The following COA1 variants were observed in gnomAD, a reference collection of about 807,000 sequenced individuals.
COA1 encodes the protein cytochrome c oxidase assembly factor 1.
COA1 carries 13 observed loss-of-function variants against 16.0 expected under a neutral mutation model. The observed-to-expected ratio is 0.81, with a 90% CI of 0.53 to 1.29. The LOEUF (loss-of-function observed/expected upper bound fraction) is 1.29, where lower values mean the gene tolerates loss of function less well. Among genes scored for constraint, COA1 ranks in the 50% most tolerant of loss-of-function variants. The pLI is 0.00. For missense variants in COA1, 179 were observed against 177.0 expected, an observed-to-expected ratio of 1.01 and a Z score of -0.06; for synonymous variants, 65 against 65.7, an observed-to-expected ratio of 0.99 and a Z score of 0.05.
chr7:43,695,715 G>A (rs1034891655), intron 1 of COA1, among the ~76,000 whole-genome samples: 2 of 150,800 alleles, frequency 1.3e-5, no homozygotes, highest in Non-Finnish European at 2.9e-5. Flanking sequence ...GTAAAACCAA[G>A]AGTGACCAAC....
intron 1 of COA1, chr7:43,649,429 A>G (rs1173475517): frequency 6.6e-6 from 1 of 152,262 alleles, no homozygotes; most frequent in East Asian, 1.9e-4. Flanking sequence ...GAGCTAAAAT[A>G]TATTCTTACT....
intron 6 of COA1, among the ~76,000 whole-genome samples, chr7:43,611,620 G>A (rs1487836797): frequency 1.3e-5 from 2 of 152,240 alleles, no homozygotes; most frequent in Admixed American, 6.5e-5. Context: ...CTTCCCTCGG[G>A]AACATTTACA....
intron 1 of COA1, among the ~76,000 whole-genome samples, chr7:43,727,422 T>G (rs965977423): frequency 1.3e-5 from 2 of 152,160 alleles, no homozygotes; most frequent in Non-Finnish European, 2.9e-5. Flanking sequence ...TGTAGGTGAA[T>G]GTTCACAGCA....
intron 5 of COA1, 40 bp from the exon 6 acceptor site, chr7:43,639,721 G>T: frequency 6.6e-7 from 1 of 1,517,950 alleles, no homozygotes; most frequent in South Asian, 1.1e-5. Context: ...AATCTATGAA[G>T]GCTGAGGCAA....
intron 1 of COA1, among the ~76,000 whole-genome samples, chr7:43,683,210 G>A (rs931095234): frequency 6.6e-6 from 1 of 151,982 alleles, no homozygotes; most frequent in Non-Finnish European, 1.5e-5. Context: ...CCTCAAATGT[G>A]GAAAATAACT....
intron 1 of COA1, among the ~76,000 whole-genome samples, chr7:43,686,861 T>C (rs1194253058): frequency 1.3e-5 from 2 of 152,174 alleles, no homozygotes; most frequent in East Asian, 3.8e-4. Context: ...TTTAAAAAAT[T>C]GATATAGTGA....
chr7:43,675,659 T>C (rs2093482648), intron 1 of COA1, among the ~76,000 whole-genome samples: 1 of 152,150 alleles, frequency 6.6e-6, no homozygotes, highest in African/African-American at 2.4e-5. Flanking sequence ...CATAGAGGTA[T>C]ATTAATTACA....
At chr7:43,657,600 G>A (rs949099178) in intron 1 of COA1, among the ~76,000 whole-genome samples, 5 of 151,954 alleles carry the variant, frequency 3.3e-5, no homozygotes, top group African/African-American at 1.2e-4. Flanking sequence ...AAAACAGACA[G>A]GTCATTTATG....
At position 43,674,129 on chromosome 7, in the gene COA1, C is replaced by A. The variant is rs372547950; in HGVS notation, c.-38-25477G>T. 2.8e-4 allele frequency among the ~76,000 whole-genome samples: 43 copies of A among 152,302 alleles called. No individual in the cohort carries two copies. The South Asian group carries it at 8.7e-3, about 31-fold the overall frequency. ...AATCTACCTATATAACAAACCTGCA[C>A]ATGTACCCCTCAACCTAAAAGTTAA... On this transcript the variant is annotated intron_variant, in intron 1 of 5. Coordinates refer to ENST00000223336, the MANE Select transcript of COA1 (RefSeq NM_018224.4).
intron 1 of COA1, among the ~76,000 whole-genome samples, chr7:43,685,719 G>A (rs1263310710): frequency 2.6e-5 from 4 of 152,216 alleles, no homozygotes; most frequent in South Asian, 4.1e-4. Context: ...CCAGACAAAA[G>A]CAAGGTACAA....
intron 1 of COA1, among the ~76,000 whole-genome samples, chr7:43,651,601 C>T (rs2153110414): frequency 6.7e-6 from 1 of 150,112 alleles, no homozygotes; most frequent in Non-Finnish European, 1.5e-5. Flanking sequence ...GAGTTCAAGC[C>T]ATAGACAGGA....
At position 43,643,289 on chromosome 7, in the gene COA1, C is replaced by G. The variant is rs182474453; in HGVS notation, c.264+1962G>C. On this transcript the variant is annotated intron_variant, in intron 4 of 5. Transcript: ENST00000223336. ...TCATGGATGCTGCATCAACCAGCCC[C>G]AGCAAAGGCGCCTTTGGCACACAAT... Among the ~76,000 whole-genome samples the G allele has an allele frequency of 2.6e-4, 40 of 152,342 alleles. 1 individual carries two copies. The highest frequency in any genetic ancestry group is 2.2e-3 in the Admixed American group (34 of 15,302).
At chr7:43,711,591 TAAG>T (rs2095250983) in intron 1 of COA1, 1 of 152,212 alleles carries the variant, frequency 6.6e-6, no homozygotes, top group African/African-American at 2.4e-5. Context: ...GGATACATTC[TAAG>T]AAATGTATAG....
intron 2 of COA1, chr7:43,647,863 G>T (rs1251840674): frequency 1.3e-5 from 7 of 532,632 alleles, no homozygotes; most frequent in Non-Finnish European, 2.3e-5. Context: ...GACCCATGCT[G>T]TGGGGGCCCT....
chr7:43,625,045 C>T (rs762333977), intron 6 of COA1: 14 of 416,202 alleles, frequency 3.4e-5, no homozygotes, highest in Non-Finnish European at 5.5e-5. Flanking sequence ...GGTACAGTTA[C>T]CCGTTTCAAT....
chr7:43,630,137 AAGGTATTT>A (rs1305348486), intron 6 of COA1, among the ~76,000 whole-genome samples: 4 of 152,148 alleles, frequency 2.6e-5, no homozygotes, highest in Non-Finnish European at 5.9e-5. Context: ...CGTACAGCCT[AAGGTATTT>A]AGTATCTGGC....
intron 1 of COA1, among the ~76,000 whole-genome samples, chr7:43,719,584 T>A (rs2132074053): frequency 6.6e-6 from 1 of 152,320 alleles, no homozygotes; most frequent in East Asian, 1.9e-4. Context: ...TAAATTTCCT[T>A]TTCTATTAGA....
intron 1 of COA1, among the ~76,000 whole-genome samples, chr7:43,700,503 A>C (rs2094686212): frequency 6.6e-6 from 1 of 150,762 alleles, no homozygotes; most frequent in African/African-American, 2.4e-5. Flanking sequence ...AAGATGCCCT[A>C]ATCAGCTTTT....
chr7:43,725,064 C>A (rs572884673), intron 1 of COA1, among the ~76,000 whole-genome samples: 1 of 152,250 alleles, frequency 6.6e-6, no homozygotes, highest in African/African-American at 2.4e-5. Flanking sequence ...CATGGAGAAA[C>A]CCCGTCTGTA....
Sources: gnomAD v4.1 joint callset for allele counts (sites outside exome capture counted in the v4.1 genomes callset) on GRCh38, gnomAD v4.1.1 for gene constraint, MANE v1.5 for transcripts, NCBI Gene and HGNC (gene_info 2026-07-23, HGNC 2026-07-21) for gene names.